UBE2H: variants seen among roughly 807,000 people sequenced by gnomAD.
UBE2H encodes ubiquitin-conjugating enzyme E2 H.
A neutral mutation model predicts 29.0 loss-of-function variants in UBE2H; 3 were observed. The observed-to-expected ratio is 0.10, with a 90% CI of 0.05 to 0.27. The LOEUF (loss-of-function observed/expected upper bound fraction) is 0.27. Ranked by LOEUF, UBE2H falls within the 10% of genes least tolerant of loss-of-function variation. The probability of loss-of-function intolerance (pLI) is 1.00; values close to 1 mark genes in which losing one functional copy is unlikely to be tolerated. For missense variants in UBE2H, 68 were observed against 228.2 expected, an observed-to-expected ratio of 0.30 and a Z score of 4.52; for synonymous variants, 69 against 82.9, an observed-to-expected ratio of 0.83 and a Z score of 0.91.
intron 1 of UBE2H, among the ~76,000 whole-genome samples, chr7:129,890,167 CATGA>C: frequency 6.6e-6 from 1 of 152,110 alleles, no homozygotes; most frequent in East Asian, 1.9e-4. Context: ...AAGATGAACA[CATGA>C]ATGAAGTTGC....
chr7:129,918,362 C>CT (rs777719323), intron 1 of UBE2H, among the ~76,000 whole-genome samples: 5,210 of 139,662 alleles, frequency 0.037, 154 homozygotes, highest in African/African-American at 0.079. Context: ...AATCCAAATT[C>CT]TTTTTTTTTT....
At chr7:129,919,643 T>C (rs1807116853) in intron 1 of UBE2H, among the ~76,000 whole-genome samples, 1 of 152,214 alleles carries the variant, frequency 6.6e-6, no homozygotes. Flanking sequence ...AACAGCCCCA[T>C]TTCCCTAGGC....
At chr7:129,940,439 G>A (rs1044801147) in intron 1 of UBE2H, among the ~76,000 whole-genome samples, 21 of 152,170 alleles carry the variant, frequency 1.4e-4, no homozygotes, top group Non-Finnish European at 2.5e-4. Context: ...TGACAGACCC[G>A]CCAACCATGC....
chr7:129,883,029 T>C (rs1167545322), intron 1 of UBE2H, among the ~76,000 whole-genome samples: 1 of 152,002 alleles, frequency 6.6e-6, no homozygotes, highest in East Asian at 1.9e-4. Flanking sequence ...AGCCAGAACA[T>C]CCAAGTCAAG....
At chr7:129,950,238 GA>G (rs1159096550) in intron 1 of UBE2H, among the ~76,000 whole-genome samples, 1 of 151,970 alleles carries the variant, frequency 6.6e-6, no homozygotes, top group East Asian at 1.9e-4. Context: ...TTTAAATCTC[GA>G]AACTGTTATC....
At chr7:129,863,808 G>GTTTTTTTTTTTTCTGTTTT (rs1805844759) in intron 3 of UBE2H, among the ~76,000 whole-genome samples, 5 of 136,042 alleles carry the variant, frequency 3.7e-5, no homozygotes, top group Non-Finnish European at 4.7e-5. Context: ...AATACTAGGT[G>GTTTTTTTTTTTTCTGTTTT]TTTTTTTTTT....
At position 129,921,220 on chromosome 7, in the gene UBE2H, T is replaced by A. The variant is rs569600323; in HGVS notation, c.53+31283A>T. On this transcript the variant is annotated intron_variant, in intron 1 of 6. Transcript: ENST00000355621. ...ATCTTTACTCTTGAGGGTCCAATTG[T>A]ACTCATCATTCTATATTTTCTAAGG... 1.1e-4 allele frequency among the ~76,000 whole-genome samples: 17 copies of A among 152,290 alleles called. 1 individual carries two copies. Among genetic ancestry groups the A allele is most frequent in the Admixed American group, 7.8e-4 (12 of 15,290 alleles).
rs1326488897 is a variant in UBE2H at position 129,889,488 on chromosome 7, TA to T, written c.54-8518del. Among the ~76,000 whole-genome samples, 5 of 152,226 alleles carry T rather than the reference TA, an allele frequency of 3.3e-5. No individual in the cohort carries two copies. In the South Asian group the frequency reaches 1.0e-3, roughly 31 times the overall value. On this transcript the variant is annotated intron_variant, in intron 1 of 6. Transcript: ENST00000355621. ...AATTCAAGCTCTAAATTTCTAAGTG[TA>T]AACAAAGTATATGTGCTCCAATGTC...
At chr7:129,888,409 C>T (rs10216153) in intron 1 of UBE2H, among the ~76,000 whole-genome samples, 38,469 of 152,004 alleles carry the variant, frequency 0.25, 5,074 homozygotes, top group African/African-American at 0.31. Context: ...CCTAGCACTT[C>T]AGGAGGCTGA....
intron 1 of UBE2H, among the ~76,000 whole-genome samples, chr7:129,915,391 G>T (rs1425495874): frequency 6.6e-6 from 1 of 152,038 alleles, no homozygotes; most frequent in Non-Finnish European, 1.5e-5. Flanking sequence ...AAAATTAGCC[G>T]GGTGTGGTGG....
At chr7:129,863,241 G>A (rs1486170228) in intron 3 of UBE2H, among the ~76,000 whole-genome samples, 1 of 152,118 alleles carries the variant, frequency 6.6e-6, no homozygotes. Context: ...GTAATAAATG[G>A]TTTGGAGCTC....
intron 1 of UBE2H, among the ~76,000 whole-genome samples, chr7:129,927,748 G>C (rs1000954891): frequency 6.6e-6 from 1 of 152,112 alleles, no homozygotes; most frequent in Non-Finnish European, 1.5e-5. Flanking sequence ...TCACTCATAC[G>C]TGGGAGCTAA....
At chr7:129,920,848 C>CAAAAAAAAAAAAAAAAAAAAAAAAAAATA (rs11347186) in intron 1 of UBE2H, among the ~76,000 whole-genome samples, 1 of 73,998 alleles carries the variant, frequency 1.4e-5, no homozygotes, top group Non-Finnish European at 2.6e-5. Flanking sequence ...TAGAAAAAGT[C>CAAAAAAAAAAAAAAAAAAAAAAAAAAATA]AAAAAAAAAA....
intron 1 of UBE2H, among the ~76,000 whole-genome samples, chr7:129,888,273 G>T (rs1206291066): frequency 6.6e-6 from 1 of 152,178 alleles, no homozygotes; most frequent in African/African-American, 2.4e-5. Flanking sequence ...CTTGGGAAAG[G>T]TTTGCTAAGT....
chr7:129,877,622 C>A (rs1359779676), intron 3 of UBE2H, among the ~76,000 whole-genome samples: 3 of 152,154 alleles, frequency 2.0e-5, no homozygotes, highest in Non-Finnish European at 4.4e-5. Context: ...CCTGAAAGCA[C>A]ACAGAAAGGC....
chr7:129,847,153 TCTC>T (rs1196808734), intron 5 of UBE2H, among the ~76,000 whole-genome samples: 2 of 152,076 alleles, frequency 1.3e-5, no homozygotes, highest in African/African-American at 4.8e-5. Flanking sequence ...TTCAAGCAAT[TCTC>T]CTGCTTCAAG....
At chr7:129,878,867 A>AG (rs1806200384) in intron 3 of UBE2H, among the ~76,000 whole-genome samples, 1 of 151,522 alleles carries the variant, frequency 6.6e-6, no homozygotes, top group Admixed American at 6.6e-5. Context: ...GCAAAAAAAA[A>AG]AAAAGCTGGC....
chr7:129,886,751 G>GT (rs1224246217), intron 1 of UBE2H, among the ~76,000 whole-genome samples: 1 of 67,276 alleles, frequency 1.5e-5, no homozygotes, highest in Non-Finnish European at 2.9e-5. Context: ...TCACTACCTG[G>GT]TTTTTTGTTT....
At chr7:129,947,884 G>A (rs950122375) in intron 1 of UBE2H, among the ~76,000 whole-genome samples, 5 of 151,608 alleles carry the variant, frequency 3.3e-5, no homozygotes, top group Non-Finnish European at 5.9e-5. Flanking sequence ...TAAGAGTCTT[G>A]CTCTGTCGTC....
Sources: allele counts gnomAD v4.1 joint callset (sites outside exome capture counted in the v4.1 genomes callset), GRCh38; gene constraint gnomAD v4.1.1; transcripts MANE v1.5; gene names NCBI Gene and HGNC (gene_info 2026-07-23, HGNC 2026-07-21).